The following CAMK2D variants were observed in gnomAD, a reference collection of about 807,000 sequenced individuals.
CAMK2D encodes calcium/calmodulin-dependent protein kinase type II subunit delta.
In CAMK2D, 37 loss-of-function variants were observed where a neutral mutation model predicts 84.0. That is an observed-to-expected ratio of 0.44 (90% CI 0.34 to 0.58). The LOEUF (loss-of-function observed/expected upper bound fraction) is 0.58, where lower values mean the gene tolerates loss of function less well. Ranked by LOEUF, CAMK2D falls within the 20% of genes least tolerant of loss-of-function variation. The pLI is 0.02. For missense variants in CAMK2D, 448 were observed against 652.5 expected, an observed-to-expected ratio of 0.69 and a Z score of 3.41; for synonymous variants, 202 against 212.5, an observed-to-expected ratio of 0.95 and a Z score of 0.43.
intron 2 of CAMK2D, among the ~76,000 whole-genome samples, chr4:113,716,292 C>A (rs2099513148): frequency 6.6e-6 from 1 of 152,124 alleles, no homozygotes; most frequent in South Asian, 2.1e-4. Flanking sequence ...TTCTATTATA[C>A]ACTAAAAGAA....
At chr4:113,606,809 A>T (rs1408074402) in intron 4 of CAMK2D, among the ~76,000 whole-genome samples, 1 of 152,174 alleles carries the variant, frequency 6.6e-6, no homozygotes. Context: ...AACTCCAAAA[A>T]ATCCAAGCCA....
intron 2 of CAMK2D, among the ~76,000 whole-genome samples, chr4:113,707,385 T>C (rs1474136487): frequency 2.0e-5 from 3 of 152,174 alleles, no homozygotes; most frequent in Non-Finnish European, 4.4e-5. Context: ...GAATGCTTTA[T>C]AATGTTCTAG....
At chr4:113,502,876 A>G in intron 15 of CAMK2D, 60 bp downstream of exon 15, 2 of 1,134,422 alleles carry the variant, frequency 1.8e-6, no homozygotes, top group South Asian at 2.6e-5. Context: ...AATTTTTTTG[A>G]ATATTTGATG....
intron 4 of CAMK2D, among the ~76,000 whole-genome samples, chr4:113,555,029 A>C (rs184921674): frequency 1.3e-5 from 2 of 152,288 alleles, no homozygotes; most frequent in African/African-American, 4.8e-5. Context: ...TACTGTTGTT[A>C]TTTATAGTGA....
At chr4:113,689,855 C>T (rs1324424054) in intron 2 of CAMK2D, among the ~76,000 whole-genome samples, 2 of 152,158 alleles carry the variant, frequency 1.3e-5, no homozygotes, top group Non-Finnish European at 2.9e-5. Flanking sequence ...TTTCCATTCC[C>T]ACTAGAACAC....
chr4:113,508,643 G>A (rs2098164946), intron 13 of CAMK2D, among the ~76,000 whole-genome samples: 1 of 152,190 alleles, frequency 6.6e-6, no homozygotes, highest in Non-Finnish European at 1.5e-5. Flanking sequence ...AAAGCAATTG[G>A]TAAATGGAAA....
At chr4:113,658,434 C>G (rs76158238) in intron 3 of CAMK2D, among the ~76,000 whole-genome samples, 3,914 of 152,130 alleles carry the variant, frequency 0.026, 166 homozygotes, top group African/African-American at 0.086. Context: ...TTGTTTTTCC[C>G]CCAGAGAGCC....
intron 19 of CAMK2D, among the ~76,000 whole-genome samples, chr4:113,456,157 T>C (rs530888668): frequency 2.6e-4 from 39 of 152,326 alleles, no homozygotes; most frequent in African/African-American, 8.4e-4. Flanking sequence ...TGATATATAA[T>C]TATTAAGGCT....
intron 2 of CAMK2D, among the ~76,000 whole-genome samples, chr4:113,736,110 C>G (rs1234913885): frequency 7.1e-6 from 1 of 139,924 alleles, no homozygotes; most frequent in African/African-American, 2.7e-5. Flanking sequence ...ATAGAAATAG[C>G]CACCTGACTC....
intron 2 of CAMK2D, among the ~76,000 whole-genome samples, chr4:113,721,847 C>T (rs2099531472): frequency 6.6e-6 from 1 of 152,126 alleles, no homozygotes; most frequent in African/African-American, 2.4e-5. Flanking sequence ...CTGGTGCAGT[C>T]AAACATTGTA....
At chr4:113,753,199 A>C (rs973214225) in intron 2 of CAMK2D, among the ~76,000 whole-genome samples, 22 of 152,210 alleles carry the variant, frequency 1.4e-4, no homozygotes, top group African/African-American at 4.1e-4. Flanking sequence ...GTGTGGATTA[A>C]ATAAAATAAA....
At chr4:113,552,679 G>A (rs758659486) in intron 4 of CAMK2D, among the ~76,000 whole-genome samples, 29 of 152,170 alleles carry the variant, frequency 1.9e-4, no homozygotes, top group Admixed American at 3.9e-4. Flanking sequence ...CTAATTTAAC[G>A]TAACATAGCA....
At position 113,735,480 on chromosome 4, in the gene CAMK2D, AAAC is replaced by A. The variant is rs202002904; in HGVS notation, c.160+23837_160+23839del. Reference sequence around the variant, plus strand: ...ACAGAGTGAGACCGTCTCAAAAAACAAACAACAACAAAACACAATTTGTACAAT... The same window carrying A: ...ACAGAGTGAGACCGTCTCAAAAAACAAACAACAAAACACAATTTGTACAAT... On this transcript the variant is annotated intron_variant, in intron 2 of 20. Transcript: ENST00000511664. 9.3e-3 allele frequency among the ~76,000 whole-genome samples: 1,419 copies of A among 152,058 alleles called. 30 individuals carry two copies. The highest frequency in any genetic ancestry group is 0.032 in the African/African-American group (1,337 of 41,484).
At chr4:113,636,827 C>T (rs920364900) in intron 3 of CAMK2D, among the ~76,000 whole-genome samples, 5 of 152,136 alleles carry the variant, frequency 3.3e-5, no homozygotes, top group Non-Finnish European at 7.4e-5. Context: ...ATTTGAACTT[C>T]AACATATGAA....
chr4:113,756,738 T>C (rs1353158844), intron 2 of CAMK2D, among the ~76,000 whole-genome samples: 2 of 152,092 alleles, frequency 1.3e-5, no homozygotes, highest in African/African-American at 4.8e-5. Context: ...ATTTGATTCT[T>C]GTTACTCTGT....
intron 2 of CAMK2D, among the ~76,000 whole-genome samples, chr4:113,691,723 A>G (rs2099387758): frequency 6.6e-6 from 1 of 152,096 alleles, no homozygotes; most frequent in African/African-American, 2.4e-5. Flanking sequence ...ACTGCACTGC[A>G]CCCTGGGCGA....
At chr4:113,564,370 C>T (rs546375588) in intron 4 of CAMK2D, among the ~76,000 whole-genome samples, 5 of 152,264 alleles carry the variant, frequency 3.3e-5, no homozygotes, top group South Asian at 2.1e-4. Context: ...TTGCTGGTAA[C>T]GCCTAGCTAG....
chr4:113,470,371 C>A (rs752387213), intron 16 of CAMK2D, among the ~76,000 whole-genome samples: 8 of 152,164 alleles, frequency 5.3e-5, no homozygotes, highest in Non-Finnish European at 1.2e-4. Context: ...CTGGGCCAGG[C>A]GCGGTGGCTC....
At chr4:113,590,110 T>C (rs961246614) in intron 4 of CAMK2D, among the ~76,000 whole-genome samples, 3 of 152,162 alleles carry the variant, frequency 2.0e-5, no homozygotes, top group Non-Finnish European at 4.4e-5. Context: ...ACCAGCTACA[T>C]AAAAAAACAC....
Sources: gnomAD v4.1 joint callset for allele counts (sites outside exome capture counted in the v4.1 genomes callset) on GRCh38, gnomAD v4.1.1 for gene constraint, MANE v1.5 for transcripts, NCBI Gene and HGNC (gene_info 2026-07-23, HGNC 2026-07-21) for gene names.